Variants in ASAP1 observed in about 807,000 individuals in gnomAD.
The protein encoded by ASAP1 is arf-GAP with SH3 domain, ANK repeat and PH domain-containing protein 1.
ASAP1 carries 43 observed loss-of-function variants against 145.2 expected under a neutral mutation model. That is an observed-to-expected ratio of 0.30 (90% CI 0.23 to 0.38). The LOEUF (loss-of-function observed/expected upper bound fraction) is 0.38. Ranked by LOEUF, ASAP1 falls within the 10% of genes least tolerant of loss-of-function variation. The pLI is 1.00. For missense variants in ASAP1, 1,018 were observed against 1,355.3 expected, an observed-to-expected ratio of 0.75 and a Z score of 3.91; for synonymous variants, 546 against 515.5, an observed-to-expected ratio of 1.06 and a Z score of -0.80.
chr8:130,114,022 T>G (rs553131037), intron 23 of ASAP1, among the ~76,000 whole-genome samples: 77 of 152,290 alleles, frequency 5.1e-4, no homozygotes, highest in African/African-American at 1.7e-3. Flanking sequence ...GCTCAAGGCA[T>G]CCACCCGTCT....
chr8:130,385,790 T>C lies in ASAP1; in HGVS notation c.59+16095A>G, dbSNP rs546994616. Among the ~76,000 whole-genome samples the C allele has an allele frequency of 6.6e-5, 10 of 152,314 alleles. No homozygotes were observed. In the South Asian group the frequency reaches 8.3e-4, roughly 13 times the overall value. On this transcript the variant is annotated intron_variant, in intron 2 of 29. Coordinates refer to ENST00000518721, the MANE Select transcript of ASAP1 (RefSeq NM_018482.4). ...ACTAACTCTCCCTACATCCAGTTACTTGGTTAGAGGGGTGGGCATTTGCGG... is the reference window on the plus strand; with the variant it reads ...ACTAACTCTCCCTACATCCAGTTACCTGGTTAGAGGGGTGGGCATTTGCGG...
intron 3 of ASAP1, among the ~76,000 whole-genome samples, chr8:130,252,344 T>C (rs765471682): frequency 7.2e-5 from 11 of 152,182 alleles, no homozygotes; most frequent in Non-Finnish European, 1.5e-4. Context: ...CTGTGCTATG[T>C]TGTAATTAAG....
At chr8:130,354,393 A>C (rs1394111543) in intron 3 of ASAP1, among the ~76,000 whole-genome samples, 1 of 152,182 alleles carries the variant, frequency 6.6e-6, no homozygotes, top group Non-Finnish European at 1.5e-5. Flanking sequence ...CTGCTCAATA[A>C]ATGAGCAGAA....
At chr8:130,145,598 C>T (rs2097627192) in intron 13 of ASAP1, among the ~76,000 whole-genome samples, 1 of 152,180 alleles carries the variant, frequency 6.6e-6, no homozygotes, top group South Asian at 2.1e-4. Context: ...ATTAGCCTCA[C>T]ACAGAAAGGG....
At chr8:130,309,308 C>T (rs1379438817) in intron 3 of ASAP1, among the ~76,000 whole-genome samples, 1 of 152,128 alleles carries the variant, frequency 6.6e-6, no homozygotes, top group African/African-American at 2.4e-5. Context: ...CAGAGGTACA[C>T]AATTTCCTAT....
At chr8:130,259,686 A>G (rs1439729733) in intron 3 of ASAP1, among the ~76,000 whole-genome samples, 1 of 152,218 alleles carries the variant, frequency 6.6e-6, no homozygotes, top group African/African-American at 2.4e-5. Flanking sequence ...CCACTGCCTC[A>G]CATGACTTCC....
intron 3 of ASAP1, among the ~76,000 whole-genome samples, chr8:130,255,725 A>G (rs1245445038): frequency 1.3e-5 from 2 of 152,192 alleles, no homozygotes; most frequent in African/African-American, 4.8e-5. Context: ...GTATTTTTTC[A>G]GATACTAATA....
At position 130,136,974 on chromosome 8, in the gene ASAP1, T is replaced by C; in HGVS notation, c.1145A>G (p.Lys382Arg). 6.2e-7 allele frequency: 1 copy of C among 1,614,248 alleles called. No homozygotes were observed. Among genetic ancestry groups the C allele is most frequent in the Non-Finnish European group, 8.5e-7 (1 of 1,180,040 alleles). Residue 382 changes from lysine (K) to arginine (R), a missense_variant, in exon 14 of 30, where the codon AAA becomes AGA. Around this residue, in one of 9 missense-constraint regions of ASAP1, gnomAD observed 27 missense variants for 88.2 expected, o/e 0.31. Transcript: ENST00000518721. ...TCQVKPNAED[K>R]KSFDLISHNR... is the part of the protein sequence containing the mutation. ...ACGTGATATCAGGTCAAAAGATTTT[T>C]TGTCTTCGGCATTAGGTTTTACTTG...
chr8:130,091,951 C>A, intron 25 of ASAP1, 22 bp downstream of exon 25: 1 of 1,510,834 alleles, frequency 6.6e-7, no homozygotes, highest in Non-Finnish European at 8.8e-7. Flanking sequence ...GCAGCTTTGG[C>A]CCTGACTTTA....
chr8:130,337,906 T>C (rs547534958), intron 3 of ASAP1, among the ~76,000 whole-genome samples: 2 of 152,338 alleles, frequency 1.3e-5, no homozygotes, highest in Admixed American at 6.5e-5. Flanking sequence ...ATGGCAATTA[T>C]AGCAACTATT....
rs753956266 is a variant in ASAP1, at chr8:130,061,094, A to C, written c.2702-25T>G. ...ACTGTGGAAGCAATCAAAAACAAGG[A>C]GGTCATTGGTGGGAAGGGCTGCTTT... is the stretch of plus-strand genomic sequence containing the variant. On this transcript the variant is annotated intron_variant, in intron 27 of 29. Coordinates refer to ENST00000518721, the MANE Select transcript of ASAP1 (RefSeq NM_018482.4). 9 of 1,519,216 alleles carry C rather than the reference A, an allele frequency of 5.9e-6. No homozygotes were observed. The Admixed American group carries it at 2.1e-4, about 35-fold the overall frequency. The allele number at this position is 1,519,216 out of a possible 1,614,324, so 94.1% of individuals were successfully genotyped here.
intron 26 of ASAP1, among the ~76,000 whole-genome samples, chr8:130,076,926 C>T (rs912550975): frequency 1.3e-5 from 2 of 152,134 alleles, no homozygotes; most frequent in African/African-American, 4.8e-5. Flanking sequence ...ATGATAAAGC[C>T]CAACTCCTCC....
At chr8:130,070,401 C>T (rs1259028792) in intron 27 of ASAP1, among the ~76,000 whole-genome samples, 1 of 152,092 alleles carries the variant, frequency 6.6e-6, no homozygotes, top group Non-Finnish European at 1.5e-5. Context: ...GAGAATGTTT[C>T]CCCTACCTGG....
At chr8:130,138,628 G>C (rs1280047480) in intron 13 of ASAP1, among the ~76,000 whole-genome samples, 1 of 152,062 alleles carries the variant, frequency 6.6e-6, no homozygotes, top group African/African-American at 2.4e-5. Context: ...CCTGAGGTCG[G>C]GAGTTCCAGA....
At chr8:130,072,225 C>A (rs1476302670) in intron 27 of ASAP1, among the ~76,000 whole-genome samples, 2 of 152,184 alleles carry the variant, frequency 1.3e-5, no homozygotes, top group African/African-American at 4.8e-5. Flanking sequence ...GGAAGCTCTG[C>A]ACCTGATATA....
intron 24 of ASAP1, among the ~76,000 whole-genome samples, chr8:130,108,223 A>G (rs2097540818): frequency 6.6e-6 from 1 of 152,204 alleles, no homozygotes; most frequent in African/African-American, 2.4e-5. Context: ...ATTATAGCAA[A>G]TGTGTATGAA....
rs188651365 is a variant in ASAP1, at chr8:130,355,973, T to C, written c.186+2044A>G. On this transcript the variant is annotated intron_variant, in intron 3 of 29. Transcript: ENST00000518721. ...GAGAACATGGGTATCATCAATGTAC[T>C]CTAACATGACACTGAACTTCTAGCC... Among the ~76,000 whole-genome samples the C allele has an allele frequency of 1.4e-3, 208 of 152,312 alleles. 1 individual carries two copies. The highest frequency in any genetic ancestry group is 2.4e-3 in the Admixed American group (37 of 15,286).
chr8:130,265,044 A>G (rs1438681765), intron 3 of ASAP1, among the ~76,000 whole-genome samples: 2 of 152,222 alleles, frequency 1.3e-5, no homozygotes, highest in Non-Finnish European at 2.9e-5. Context: ...GATCTTTCAA[A>G]GAATATTGTG....
Position 130,145,462 on chromosome 8 carries a change from C to T in ASAP1, c.1080+7274G>A, listed in dbSNP as rs374331213. 7.2e-5 allele frequency among the ~76,000 whole-genome samples: 11 copies of T among 152,228 alleles called. No homozygotes were observed. In the East Asian group the frequency reaches 1.9e-3, roughly 27 times the overall value. ...CCTCCCGAGTAGCTGGGATTACAGGCACGCGCCACCACACCCGGCTACTTT... is the reference window on the plus strand; with the variant it reads ...CCTCCCGAGTAGCTGGGATTACAGGTACGCGCCACCACACCCGGCTACTTT... On this transcript the variant is annotated intron_variant, in intron 13 of 29. Coordinates refer to ENST00000518721, the MANE Select transcript of ASAP1 (RefSeq NM_018482.4).
Sources: gnomAD v4.1 joint callset for allele counts (sites outside exome capture counted in the v4.1 genomes callset) on GRCh38, gnomAD v4.1.1 for gene constraint, gnomAD v4.1.1 regional missense constraint, MANE v1.5 for transcripts, NCBI Gene and HGNC (gene_info 2026-07-23, HGNC 2026-07-21) for gene names.